The following SPP1 variants were observed in gnomAD, a reference collection of about 807,000 sequenced individuals.
The protein encoded by SPP1 is osteopontin.
SPP1 carries 18 observed loss-of-function variants against 20.8 expected under a neutral mutation model. That is an observed-to-expected ratio of 0.87 (90% CI 0.60 to 1.29). The LOEUF (loss-of-function observed/expected upper bound fraction) is 1.29. Among genes scored for constraint, SPP1 ranks in the 50% most tolerant of loss-of-function variants. The pLI, the probability that SPP1 is intolerant of heterozygous loss-of-function variation, is 0.00. For missense variants in SPP1, 363 were observed against 389.0 expected (o/e 0.93, Z 0.56); for synonymous variants, 146 against 141.5 (o/e 1.03, Z -0.23).
chr4:87,983,173 A>G lies in SPP1; in HGVS notation c.*277A>G. The G allele has an allele frequency of 3.7e-6, 1 of 268,088 alleles. No homozygotes were observed. Among genetic ancestry groups the G allele is most frequent in the African/African-American group, 2.2e-5 (1 of 45,070 alleles). 16.6% of individuals were successfully genotyped at this position (268,088 alleles called of 1,614,324 possible). On this transcript the variant is annotated 3_prime_UTR_variant, in exon 7 of 7. Coordinates refer to ENST00000395080, the MANE Select transcript of SPP1 (RefSeq NM_001040058.2). ...TTTAATATTTGTTATTCTCTCATGA[A>G]TAGAAATTTATGTAGAAGCAAACAA...
chr4:87,980,367 A>C, intron 4 of SPP1, 26 bp from the exon 5 acceptor site: 2 of 1,613,554 alleles, frequency 1.2e-6, no homozygotes, highest in Non-Finnish European at 1.7e-6. Flanking sequence ...TGTGATGCGC[A>C]CTAACACGTG....
Position 87,976,558 on chromosome 4 carries a change from T to C in SPP1, c.-14-324T>C, listed in dbSNP as rs1263797581. Among the ~76,000 whole-genome samples, 9 of 152,318 alleles carry C rather than the reference T, an allele frequency of 5.9e-5. No homozygotes were observed. In the South Asian group the frequency reaches 1.7e-3, roughly 28 times the overall value. ...CTTATTAATATAATTAAGTTACTGT[T>C]GATCTGTTTGTAGGTTTAGAGAGCT... On this transcript the variant is annotated intron_variant, in intron 1 of 6. Coordinates refer to ENST00000395080, the MANE Select transcript of SPP1 (RefSeq NM_001040058.2).
At chr4:87,977,203 C>T (rs1725415091) in intron 3 of SPP1, 106 bp downstream of exon 3, 1 of 1,144,474 alleles carries the variant, frequency 8.7e-7, no homozygotes, top group Non-Finnish European at 1.3e-6. Context: ...CAGTCAAATC[C>T]ATTGGTTTAC....
chr4:87,980,184 C>T, intron 4 of SPP1, 58 bp downstream of exon 4: 1 of 1,589,430 alleles, frequency 6.3e-7, no homozygotes, highest in South Asian at 1.1e-5. Flanking sequence ...ACACTCAGGC[C>T]ATTTGGGCTG....
At chr4:87,981,115 G>A (rs1418921167) in intron 5 of SPP1, among the ~76,000 whole-genome samples, 1 of 152,000 alleles carries the variant, frequency 6.6e-6, no homozygotes, top group Non-Finnish European at 1.5e-5. Flanking sequence ...AAAAAAACCA[G>A]TCTCATAATT....
intron 3 of SPP1, chr4:87,977,764 C>T (rs1490580512): frequency 7.8e-7 from 1 of 1,286,066 alleles, no homozygotes; most frequent in East Asian, 5.6e-5. Context: ...ACACAGAGTT[C>T]AATTCCAGTT....
intron 3 of SPP1, among the ~76,000 whole-genome samples, chr4:87,978,271 C>G (rs1479786708): frequency 6.6e-6 from 1 of 151,472 alleles, no homozygotes; most frequent in Non-Finnish European, 1.5e-5. Context: ...ATAAATGTAA[C>G]TTATACATCC....
intron 6 of SPP1, among the ~76,000 whole-genome samples, chr4:87,982,118 T>C (rs1232522949): frequency 1.3e-5 from 2 of 152,172 alleles, no homozygotes; most frequent in Non-Finnish European, 2.9e-5. Flanking sequence ...GTTAAATACC[T>C]AAGAGGAATT....
At chr4:87,979,582 A>C (rs1041584929) in intron 3 of SPP1, among the ~76,000 whole-genome samples, 4 of 152,200 alleles carry the variant, frequency 2.6e-5, no homozygotes, top group African/African-American at 9.6e-5. Flanking sequence ...CACAATGAAG[A>C]TTAACAGTAA....
In SPP1 at chr4:87,982,675, C is replaced by T; in HGVS notation, c.724C>T (p.Gln242Ter). The change falls in exon 7 of 7, where the codon CAG becomes TAG. Residue 242 changes from glutamine to a stop codon, truncating the protein, a stop_gained. Coordinates refer to ENST00000395080, the MANE Select transcript of SPP1 (RefSeq NM_001040058.2). LOFTEE classifies it low-confidence loss of function (END_TRUNC). ...GAGTGCTGAAACCCACAGCCACAAG[C>T]AGTCCAGATTATATAAGCGGAAAGC... ...DQSAETHSHK[Q>*]SRLYKRKAND... The T allele has an allele frequency of 6.2e-7, 1 of 1,614,068 alleles. No homozygotes were observed.
intron 6 of SPP1, 73 bp downstream of exon 6, chr4:87,981,871 C>G: frequency 1.7e-6 from 2 of 1,180,116 alleles, no homozygotes; most frequent in Non-Finnish European, 2.4e-6. Flanking sequence ...TTTGCATATT[C>G]ATTCATTCAT....
chr4:87,979,998 C>T, intron 3 of SPP1, 48 bp from the exon 4 acceptor site: 1 of 1,571,780 alleles, frequency 6.4e-7, no homozygotes, highest in Non-Finnish European at 8.7e-7. Flanking sequence ...TTCCATTCAT[C>T]CCTACATTTC....
intron 1 of SPP1, 46 bp from the exon 2 acceptor site, chr4:87,976,836 T>A: frequency 7.2e-7 from 1 of 1,392,278 alleles, no homozygotes; most frequent in South Asian, 1.2e-5. Context: ...GTATCACTGT[T>A]GTAACCTATG....
Position 87,980,398 on chromosome 4 carries a change from T to C in SPP1, c.180T>C (p.Ala60=). Residue 60 remains alanine (A), a synonymous_variant, in exon 5 of 7, where the codon GCT becomes GCC. Coordinates refer to ENST00000395080, the MANE Select transcript of SPP1 (RefSeq NM_001040058.2). ...ACGTGCCATTCCTTCTTCAGAATGC[T>C]GTGTCCTCTGAAGAAACCAATGACT... ...QKQNLLAPQN[A]VSSEETNDFK... The C allele has an allele frequency of 6.2e-7, 1 of 1,614,194 alleles. No homozygotes were observed. Among genetic ancestry groups the C allele is most frequent in the Non-Finnish European group, 8.5e-7 (1 of 1,180,010 alleles).
chr4:87,981,671 C>T lies in SPP1; in HGVS notation c.413C>T (p.Thr138Met), dbSNP rs751920817. The T allele has an allele frequency of 3.7e-5, 59 of 1,614,194 alleles. No homozygotes were observed. Among genetic ancestry groups the T allele is most frequent in the East Asian group, 1.3e-4 (6 of 44,884 alleles). ...GATGAACTGGTCACTGATTTTCCCACGGACCTGCCAGCAACCGAAGTTTTC... is the reference window on the plus strand; with the variant it reads ...GATGAACTGGTCACTGATTTTCCCATGGACCTGCCAGCAACCGAAGTTTTC... ...ESDELVTDFP[T>M]DLPATEVFTP... is the part of the protein sequence containing the mutation. The change falls in exon 6 of 7, where the codon ACG (threonine) becomes ATG (methionine). Residue 138 changes from threonine (T) to methionine (M), a missense_variant. Transcript: ENST00000395080.
intron 3 of SPP1, chr4:87,977,898 C>T (rs1482576461): frequency 1.9e-6 from 2 of 1,077,920 alleles, no homozygotes; most frequent in African/African-American, 3.3e-5. Context: ...GTCTGTTTTT[C>T]AACTGATTTG....
At chr4:87,979,324 C>T (rs892965160) in intron 3 of SPP1, among the ~76,000 whole-genome samples, 5 of 151,628 alleles carry the variant, frequency 3.3e-5, no homozygotes, top group Non-Finnish European at 5.9e-5. Context: ...GCCACCACGC[C>T]CGGCTATTTT....
In SPP1 at chr4:87,980,667, T is replaced by G. The variant is rs1354508348; in HGVS notation, c.216+233T>G. The G allele has an allele frequency of 5.6e-6, 3 of 533,482 alleles. No homozygotes were observed. In the African/African-American group the frequency reaches 5.9e-5, roughly 10 times the overall value. 33.0% of individuals were successfully genotyped at this position (533,482 alleles called of 1,614,324 possible). A position where few individuals can be genotyped will look rare whatever the true frequency, so the allele number is the denominator to read the frequency against. On this transcript the variant is annotated intron_variant, in intron 5 of 6. Coordinates refer to ENST00000395080, the MANE Select transcript of SPP1 (RefSeq NM_001040058.2). ...TAATGCCTGTTATTTGAAACATTAATCTGCTTGCAATTTATTTAAGGTATT... is the reference window on the plus strand; with the variant it reads ...TAATGCCTGTTATTTGAAACATTAAGCTGCTTGCAATTTATTTAAGGTATT...
intron 3 of SPP1, among the ~76,000 whole-genome samples, chr4:87,979,161 CTTTTTTTTTTT>C (rs10596032): frequency 9.3e-6 from 1 of 107,256 alleles, no homozygotes; most frequent in Non-Finnish European, 1.8e-5. Flanking sequence ...TTTTTATCTT[CTTTTTTTTTTT>C]TTTTTTTTTT....
Sources: gnomAD v4.1 joint callset for allele counts (sites outside exome capture counted in the v4.1 genomes callset) on GRCh38, gnomAD v4.1.1 for gene constraint, MANE v1.5 for transcripts, NCBI Gene and HGNC (gene_info 2026-07-23, HGNC 2026-07-21) for gene names.